Variants in CDH13 observed in about 807,000 individuals in gnomAD.
CDH13 encodes the protein cadherin 13.
In CDH13, 24 loss-of-function variants were observed where a neutral mutation model predicts 63.8. That is an observed-to-expected ratio of 0.38 (90% confidence interval 0.27 to 0.53). The LOEUF is 0.53. CDH13 is among the 20% of genes least tolerant of loss of function. CDH13 has a pLI of 0.85. For synonymous variants in CDH13, 503 were observed against 355.3 expected, an observed-to-expected ratio of 1.42 and a Z score of -4.67; for missense variants, 1,049 against 903.1, an observed-to-expected ratio of 1.16 and a Z score of -2.07.
At position 83,022,838 on chromosome 16, in the gene CDH13, A is replaced by T. The variant is rs75221885; in HGVS notation, c.158-9172A>T. On this transcript the variant is annotated intron_variant, in intron 2 of 13. Coordinates refer to ENST00000567109, the MANE Select transcript of CDH13 (RefSeq NM_001257.5). ...TACCCATATAAGATGTGAGTGTATA[A>T]ATCACAGATTGGCCCAAGCACGCTT... Among the ~76,000 whole-genome samples, 343 of 152,344 alleles carry T rather than the reference A, an allele frequency of 2.3e-3. 13 individuals carry two copies. In the East Asian group the frequency reaches 0.063, roughly 28 times the overall value.
At chr16:83,705,532 G>C (rs369142022) in intron 10 of CDH13, among the ~76,000 whole-genome samples, 8 of 152,146 alleles carry the variant, frequency 5.3e-5, no homozygotes, top group Admixed American at 3.3e-4. Flanking sequence ...TGAGGCAGGA[G>C]AATGGCGTGA....
At chr16:83,158,097 A>C (rs983864612) in intron 4 of CDH13, among the ~76,000 whole-genome samples, 3 of 151,994 alleles carry the variant, frequency 2.0e-5, no homozygotes, top group Non-Finnish European at 2.9e-5. Context: ...TCCCTGTCTC[A>C]GGCACTGAGC....
intron 6 of CDH13, among the ~76,000 whole-genome samples, chr16:83,477,807 C>T (rs1598110831): frequency 6.6e-6 from 1 of 152,096 alleles, no homozygotes; most frequent in Non-Finnish European, 1.5e-5. Flanking sequence ...TTTTGTTTGG[C>T]CTTCTAGTCC....
chr16:82,944,934 CAG>C (rs1039314647), intron 2 of CDH13, among the ~76,000 whole-genome samples: 5 of 152,086 alleles, frequency 3.3e-5, no homozygotes, highest in African/African-American at 1.2e-4. Context: ...AAAAAATACA[CAG>C]GGGGAAATAC....
At chr16:82,988,737 G>C (rs1268791284) in intron 2 of CDH13, among the ~76,000 whole-genome samples, 1 of 149,904 alleles carries the variant, frequency 6.7e-6, no homozygotes, top group Non-Finnish European at 1.5e-5. Flanking sequence ...ACTCCAGCCT[G>C]GGAGACAGAG....
At chr16:83,088,560 C>T (rs1168380124) in intron 3 of CDH13, among the ~76,000 whole-genome samples, 2 of 152,290 alleles carry the variant, frequency 1.3e-5, no homozygotes, top group East Asian at 1.9e-4. Context: ...AAGCTGGTTC[C>T]TTCTCTGAGC....
rs529300909 is a variant in CDH13, at chr16:83,263,463, A to G, written c.636+45966A>G. The stretch of plus-strand genomic sequence containing the variant: ...TGAGATATGCAGAGATCTACCAACC[A>G]CATCACAGAATGGAACTCAGATCAT... On this transcript the variant is annotated intron_variant, in intron 5 of 13. Coordinates refer to ENST00000567109, the MANE Select transcript of CDH13 (RefSeq NM_001257.5). Among the ~76,000 whole-genome samples, 43 of 152,318 alleles carry G rather than the reference A, an allele frequency of 2.8e-4. 1 individual carries two copies. The highest frequency in any genetic ancestry group is 9.9e-4 in the African/African-American group (41 of 41,562).
intron 10 of CDH13, among the ~76,000 whole-genome samples, chr16:83,699,048 C>T (rs937772451): frequency 6.6e-6 from 1 of 152,246 alleles, no homozygotes; most frequent in Non-Finnish European, 1.5e-5. Context: ...TAGGGGAAGG[C>T]CTGAATCTCA....
At chr16:83,624,420 A>G (rs928238543) in intron 8 of CDH13, among the ~76,000 whole-genome samples, 14 of 151,636 alleles carry the variant, frequency 9.2e-5, no homozygotes, top group African/African-American at 3.2e-4. Flanking sequence ...TTTTTCACAG[A>G]TGGCAGGGGT....
At chr16:83,300,451 G>GA (rs2151875143) in intron 5 of CDH13, among the ~76,000 whole-genome samples, 1 of 152,344 alleles carries the variant, frequency 6.6e-6, no homozygotes, top group South Asian at 2.1e-4. Flanking sequence ...AGGAATGGAA[G>GA]ATGTTATCTC....
intron 3 of CDH13, among the ~76,000 whole-genome samples, chr16:83,035,434 T>C (rs1916761086): frequency 1.3e-5 from 2 of 152,196 alleles, no homozygotes; most frequent in Non-Finnish European, 1.5e-5. Flanking sequence ...GGGCTACAAA[T>C]GCTGACTCAC....
intron 2 of CDH13, among the ~76,000 whole-genome samples, chr16:83,010,934 G>T (rs1914089737): frequency 6.6e-6 from 1 of 152,204 alleles, no homozygotes; most frequent in South Asian, 2.1e-4. Flanking sequence ...GCTCAAACCA[G>T]ATGGCTCCTT....
At chr16:82,664,764 A>C (rs908962308) in intron 1 of CDH13, among the ~76,000 whole-genome samples, 1 of 152,228 alleles carries the variant, frequency 6.6e-6, no homozygotes, top group East Asian at 1.9e-4. Context: ...TCTTCTACCC[A>C]GTGGCAGTTT....
At chr16:83,473,596 C>T (rs1410590114) in intron 6 of CDH13, among the ~76,000 whole-genome samples, 1 of 152,148 alleles carries the variant, frequency 6.6e-6, no homozygotes, top group Non-Finnish European at 1.5e-5. Flanking sequence ...CCTATATGTC[C>T]CTCGGGCTTC....
chr16:83,659,324 A>T (rs1393925791), intron 8 of CDH13, among the ~76,000 whole-genome samples: 2 of 140,666 alleles, frequency 1.4e-5, no homozygotes, highest in South Asian at 2.3e-4. Flanking sequence ...GCAAGGTCTC[A>T]TGTCCTCACC....
At chr16:83,559,780 A>T (rs190184440) in intron 7 of CDH13, among the ~76,000 whole-genome samples, 1 of 152,302 alleles carries the variant, frequency 6.6e-6, no homozygotes, top group African/African-American at 2.4e-5. Flanking sequence ...TGTCACAAAG[A>T]ACAGGGATTG....
intron 2 of CDH13, among the ~76,000 whole-genome samples, chr16:82,913,630 C>G (rs761677877): frequency 6.6e-6 from 1 of 152,136 alleles, no homozygotes; most frequent in African/African-American, 2.4e-5. Flanking sequence ...TAACCAGGCA[C>G]AAGATGCGAT....
chr16:83,261,482 G>A (rs1906985300), intron 5 of CDH13, among the ~76,000 whole-genome samples: 1 of 152,038 alleles, frequency 6.6e-6, no homozygotes, highest in Non-Finnish European at 1.5e-5. Context: ...GAAGTGGAGG[G>A]ACAGGAATGA....
intron 12 of CDH13, among the ~76,000 whole-genome samples, chr16:83,780,979 A>C (rs1409685401): frequency 6.6e-6 from 1 of 152,234 alleles, no homozygotes; most frequent in African/African-American, 2.4e-5. Flanking sequence ...TATAGTCTTC[A>C]ACCTCCAACC....
Sources: allele counts gnomAD v4.1 joint callset (sites outside exome capture counted in the v4.1 genomes callset), GRCh38; gene constraint gnomAD v4.1.1; transcripts MANE v1.5; gene names NCBI Gene and HGNC (gene_info 2026-07-23, HGNC 2026-07-21).